USP7: variants seen among roughly 807,000 people sequenced by gnomAD.
USP7 encodes the protein ubiquitin specific peptidase 7.
USP7 carries 9 observed loss-of-function variants against 162.9 expected under a neutral mutation model. The observed-to-expected ratio is 0.06, with a 90% CI of 0.03 to 0.10. The LOEUF is 0.10. Among genes scored for constraint, USP7 ranks in the 10% least tolerant of loss-of-function variants. USP7 has a pLI of 1.00. For missense variants in USP7, 715 were observed against 1,373.7 expected (o/e 0.52, Z 7.58); for synonymous variants, 562 against 475.9 (o/e 1.18, Z -2.35).
rs1459819977 is a variant in USP7, at chr16:8,902,032, A to T, written c.2047+50T>A. The T allele has an allele frequency of 2.0e-6, 3 of 1,466,084 alleles. No homozygotes were observed. In the Admixed American group the frequency reaches 5.2e-5, roughly 25 times the overall value. 90.8% of individuals were successfully genotyped at this position (1,466,084 alleles called of 1,614,324 possible). On this transcript the variant is annotated intron_variant, in intron 18 of 30. Transcript: ENST00000344836. ...TGTGTGTTTAGAACAACAATCCAGG[A>T]ATCCAACGCTACTGCTCTAAGTGCA...
chr16:8,894,923 C>T (rs1596346695), intron 28 of USP7, 68 bp from the exon 29 acceptor site: 3 of 1,613,508 alleles, frequency 1.9e-6, no homozygotes, highest in East Asian at 2.2e-5. Context: ...CACGTGGCAG[C>T]CGCCAAAACC....
rs1279506046 is a variant in USP7 at position 8,894,830 on chromosome 16, T to G, written c.3065A>C (p.Lys1022Thr). Residue 1022 changes from lysine (K) to threonine (T), a missense_variant, in exon 29 of 31, where the codon AAG (lysine) becomes ACG (threonine). By Grantham distance (78) the Lys-to-Thr change is moderately conservative (BLOSUM62 -1). Around this residue, in one of 11 missense-constraint regions of USP7, gnomAD observed 222 missense variants for 441.7 expected, o/e 0.50. Transcript: ENST00000344836. ...GATGTCCAGCAGGCTCTGGATTCGC[T>G]TCATCACTTCTCGAAAATGCTCGCC... ...HQGEHFREVM[K>T]RIQSLLDIQE... 1 of 1,614,178 alleles carries G rather than the reference T, an allele frequency of 6.2e-7. No individual in the cohort carries two copies.
chr16:8,901,381 C>CT, intron 18 of USP7, 147 bp from the exon 19 acceptor site: 1 of 634,854 alleles, frequency 1.6e-6, no homozygotes, highest in Non-Finnish European at 2.7e-6. Flanking sequence ...CTTAAGGTAC[C>CT]TAAAAGTTAC....
rs1400479187 is a variant in USP7 at position 8,893,248 on chromosome 16, C to G, written c.*750G>C. On this transcript the variant is annotated 3_prime_UTR_variant, in exon 31 of 31. Coordinates refer to ENST00000344836, the MANE Select transcript of USP7 (RefSeq NM_003470.3). ...CGAAATTCTATTTATAATCCTTTCA[C>G]CTGCTCGTATGAACTGTTGAGATCG... The G allele has an allele frequency of 6.6e-6, 1 of 152,196 alleles. No homozygotes were observed. Among genetic ancestry groups the G allele is most frequent in the Admixed American group, 6.5e-5 (1 of 15,288 alleles). The allele number at this position is 152,196 out of a possible 1,614,324, so 9.4% of individuals were successfully genotyped here. A position where few individuals can be genotyped will look rare whatever the true frequency, so the allele number is the denominator to read the frequency against.
chr16:8,930,973 TA>T lies in USP7; in HGVS notation c.80-577del, dbSNP rs35685543. Among the ~76,000 whole-genome samples, 941 of 143,570 alleles carry T rather than the reference TA, an allele frequency of 6.6e-3. 12 individuals are homozygous for T. The highest frequency in any genetic ancestry group is 0.02 in the African/African-American group (790 of 38,768). 94.2% of individuals were successfully genotyped at this position (143,570 alleles called of 152,430 possible). On this transcript the variant is annotated intron_variant, in intron 1 of 30. Coordinates refer to ENST00000344836, the MANE Select transcript of USP7 (RefSeq NM_003470.3). ...GTCAGGGTGAGACTCAGTCTCAAATTAAAAAAAAAAAAAAAATCCTTAGGTA... is the reference window on the plus strand; with the variant it reads ...GTCAGGGTGAGACTCAGTCTCAAATTAAAAAAAAAAAAAAATCCTTAGGTA...
chr16:8,924,923 G>A (rs1348512777), intron 2 of USP7, among the ~76,000 whole-genome samples: 2 of 152,186 alleles, frequency 1.3e-5, no homozygotes, highest in African/African-American at 4.8e-5. Context: ...GGCGCATCTT[G>A]TCCAAAATAA....
At chr16:8,953,633 G>A (rs1242742114) in intron 1 of USP7, among the ~76,000 whole-genome samples, 1 of 25,290 alleles carries the variant, frequency 4.0e-5, no homozygotes, top group African/African-American at 1.2e-4. Flanking sequence ...CCCGTGCGGC[G>A]CCACCGGAAG....
chr16:8,959,963 T>C (rs1426812905), intron 1 of USP7, among the ~76,000 whole-genome samples: 1 of 152,186 alleles, frequency 6.6e-6, no homozygotes, highest in Non-Finnish European at 1.5e-5. Context: ...ACTGCTCACT[T>C]GGGCAGAAGA....
At chr16:8,914,199 C>G (rs571545677) in intron 10 of USP7, among the ~76,000 whole-genome samples, 1 of 152,094 alleles carries the variant, frequency 6.6e-6, no homozygotes, top group African/African-American at 2.4e-5. Flanking sequence ...AACAACCTCA[C>G]TGATCTTCAA....
intron 1 of USP7, among the ~76,000 whole-genome samples, chr16:8,944,184 T>C (rs2141252883): frequency 6.6e-6 from 1 of 151,900 alleles, no homozygotes; most frequent in East Asian, 1.9e-4. Flanking sequence ...TCCGGGAATA[T>C]GCATTACTCT....
chr16:8,933,783 T>C (rs981667776), intron 1 of USP7, among the ~76,000 whole-genome samples: 52 of 144,402 alleles, frequency 3.6e-4, no homozygotes, highest in African/African-American at 1.3e-3. Flanking sequence ...TGAGATGGAG[T>C]CTTCCTCTAT....
chr16:8,956,838 G>GC (rs888035668), intron 1 of USP7, among the ~76,000 whole-genome samples: 5 of 151,228 alleles, frequency 3.3e-5, no homozygotes, highest in South Asian at 2.1e-4. Context: ...TAAGAGCCCA[G>GC]CCCCCCCGCA....
At chr16:8,902,542 A>G (rs1175421315) in intron 16 of USP7, 60 bp from the exon 17 acceptor site, 3 of 1,360,864 alleles carry the variant, frequency 2.2e-6, no homozygotes, top group Non-Finnish European at 3.1e-6. Context: ...AGTCCTCTAT[A>G]TTACACACAC....
chr16:8,953,253 C>G (rs1899640947), intron 1 of USP7, among the ~76,000 whole-genome samples: 1 of 152,116 alleles, frequency 6.6e-6, no homozygotes, highest in African/African-American at 2.4e-5. Flanking sequence ...TGCCGAAGCC[C>G]TCCCCTGCAC....
chr16:8,911,828 G>C (rs1053446926), intron 10 of USP7, among the ~76,000 whole-genome samples: 1 of 152,172 alleles, frequency 6.6e-6, no homozygotes, highest in African/African-American at 2.4e-5. Context: ...AAATTACCTG[G>C]GGCAAGGAAA....
At chr16:8,913,778 A>ACTT (rs896926176) in intron 10 of USP7, among the ~76,000 whole-genome samples, 1 of 151,982 alleles carries the variant, frequency 6.6e-6, no homozygotes, top group Non-Finnish European at 1.5e-5. Context: ...TGAGAGAGAT[A>ACTT]CTTGCTCTGT....
chr16:8,899,477 G>C, intron 22 of USP7, 127 bp downstream of exon 22: 1 of 1,212,644 alleles, frequency 8.2e-7, no homozygotes, highest in Non-Finnish European at 1.2e-6. Context: ...CCATCAGTGG[G>C]AGATTTCCTC....
intron 2 of USP7, among the ~76,000 whole-genome samples, chr16:8,928,115 T>C (rs982400524): frequency 1.3e-5 from 2 of 152,214 alleles, no homozygotes; most frequent in Non-Finnish European, 1.5e-5. Flanking sequence ...GTTAACAGGA[T>C]TTTTAAATAA....
intron 1 of USP7, among the ~76,000 whole-genome samples, chr16:8,957,972 C>T (rs1458611836): frequency 2.6e-5 from 4 of 152,090 alleles, no homozygotes; most frequent in Middle Eastern, 3.2e-3. Context: ...AAAGCAATAC[C>T]GTTTTATGGC....
Sources: allele counts gnomAD v4.1 joint callset (sites outside exome capture counted in the v4.1 genomes callset), GRCh38; gene constraint gnomAD v4.1.1; regional missense constraint gnomAD v4.1.1; transcripts MANE v1.5; gene names NCBI Gene and HGNC (gene_info 2026-07-23, HGNC 2026-07-21).